The following IGF2BP2 variants were observed in gnomAD, a reference collection of about 807,000 sequenced individuals.
The protein encoded by IGF2BP2 is insulin like growth factor 2 mRNA binding protein 2.
In IGF2BP2, 17 loss-of-function variants were observed where a neutral mutation model predicts 75.8. The ratio of observed to expected loss-of-function variants is 0.22; its 90% CI spans 0.15 to 0.34. The LOEUF is 0.34. IGF2BP2 is among the 10% of genes least tolerant of loss of function. IGF2BP2 has a pLI of 1.00. For synonymous variants in IGF2BP2, 288 were observed against 295.6 expected, an observed-to-expected ratio of 0.97 and a Z score of 0.26; for missense variants, 516 against 772.4, an observed-to-expected ratio of 0.67 and a Z score of 3.93.
At chr3:185,658,478 G>C in intron 10 of IGF2BP2, 69 bp from the exon 11 acceptor site, 2 of 1,331,702 alleles carry the variant, frequency 1.5e-6, no homozygotes, top group Non-Finnish European at 1.1e-6. Context: ...AGGGAGGCCA[G>C]ATTCCCAACA....
chr3:185,667,654 A>C (rs1315658748), intron 10 of IGF2BP2, among the ~76,000 whole-genome samples: 4 of 152,222 alleles, frequency 2.6e-5, no homozygotes, highest in Non-Finnish European at 4.4e-5. Flanking sequence ...AAATCTGTGA[A>C]TATTTAAAAT....
chr3:185,685,926 G>A (rs1721063696), intron 7 of IGF2BP2, among the ~76,000 whole-genome samples: 1 of 152,222 alleles, frequency 6.6e-6, no homozygotes, highest in African/African-American at 2.4e-5. Flanking sequence ...TTATAGGTAT[G>A]AGCCACTGCA....
chr3:185,824,980 C>T lies in IGF2BP2; in HGVS notation c.-20G>A. On this transcript the variant is annotated 5_prime_UTR_variant, in exon 1 of 16. Transcript: ENST00000382199. ...CATCATCCGTCTCTTCCCCGAGAGC[C>T]CGCGGCTCCCCCGGCCCGGTACCCG... 6.8e-7 allele frequency: 1 copy of T among 1,478,848 alleles called. No homozygotes were observed. Among genetic ancestry groups the T allele is most frequent in the African/African-American group, 1.4e-5 (1 of 70,196 alleles). 91.6% of individuals were successfully genotyped at this position (1,478,848 alleles called of 1,614,324 possible).
At chr3:185,660,364 A>T (rs1423490780) in intron 10 of IGF2BP2, among the ~76,000 whole-genome samples, 1 of 152,122 alleles carries the variant, frequency 6.6e-6, no homozygotes, top group Admixed American at 6.5e-5. Context: ...GTGACAGGCA[A>T]TGCCCTCCAT....
chr3:185,646,881 A>G (rs1183109751), intron 15 of IGF2BP2, 144 bp downstream of exon 15: 5 of 648,550 alleles, frequency 7.7e-6, no homozygotes, highest in African/African-American at 3.6e-5. Flanking sequence ...GGCCATCCCT[A>G]AAGAGCCAGG....
chr3:185,729,303 AACAG>A (rs1168467715), intron 2 of IGF2BP2, among the ~76,000 whole-genome samples: 1 of 152,202 alleles, frequency 6.6e-6, no homozygotes, highest in Non-Finnish European at 1.5e-5. Flanking sequence ...TACTTGACAG[AACAG>A]ACAGACAGTG....
Position 185,700,508 on chromosome 3 carries a change from A to G in IGF2BP2, c.240-2161T>C, listed in dbSNP as rs188305729. Among the ~76,000 whole-genome samples the G allele has an allele frequency of 1.8e-3, 279 of 152,344 alleles. 20 individuals carry two copies. In the South Asian group the frequency reaches 0.056, roughly 31 times the overall value. ...CTAATTCCCGACATGGCCTTTGGCA[A>G]TAGTTCAGAATAAAACTGCCAGCAC... On this transcript the variant is annotated intron_variant, in intron 2 of 15. Coordinates refer to ENST00000382199, the MANE Select transcript of IGF2BP2 (RefSeq NM_006548.6).
intron 2 of IGF2BP2, among the ~76,000 whole-genome samples, chr3:185,772,277 A>G (rs1024153907): frequency 6.6e-6 from 1 of 152,194 alleles, no homozygotes; most frequent in Non-Finnish European, 1.5e-5. Context: ...GCCTTCCTTA[A>G]AGAGTTTTCC....
At chr3:185,736,238 G>A (rs1239825796) in intron 2 of IGF2BP2, among the ~76,000 whole-genome samples, 2 of 152,064 alleles carry the variant, frequency 1.3e-5, no homozygotes, top group East Asian at 3.9e-4. Context: ...GAGGTGGGGG[G>A]GCCACTCTTT....
intron 2 of IGF2BP2, among the ~76,000 whole-genome samples, chr3:185,720,538 G>T (rs900509446): frequency 6.6e-5 from 10 of 152,132 alleles, no homozygotes; most frequent in Admixed American, 4.6e-4. Context: ...ATTGGCTCTG[G>T]TGAGCCAGGG....
intron 2 of IGF2BP2, among the ~76,000 whole-genome samples, chr3:185,807,803 C>T (rs1739219471): frequency 6.6e-6 from 1 of 152,198 alleles, no homozygotes; most frequent in Admixed American, 6.5e-5. Context: ...ACTAAGGCCT[C>T]CAGCCAACAA....
At chr3:185,686,807 A>T (rs999324097) in intron 7 of IGF2BP2, among the ~76,000 whole-genome samples, 2 of 152,100 alleles carry the variant, frequency 1.3e-5, no homozygotes, top group Non-Finnish European at 2.9e-5. Flanking sequence ...CCCAATAATT[A>T]CTATCAATGG....
chr3:185,795,202 T>G (rs901578757), intron 2 of IGF2BP2, among the ~76,000 whole-genome samples: 1 of 152,178 alleles, frequency 6.6e-6, no homozygotes, highest in Non-Finnish European at 1.5e-5. Flanking sequence ...CAGCCTCCAG[T>G]TATCTTCTAT....
At chr3:185,737,709 TACTTA>T (rs1729038356) in intron 2 of IGF2BP2, among the ~76,000 whole-genome samples, 1 of 152,208 alleles carries the variant, frequency 6.6e-6, no homozygotes, top group Admixed American at 6.5e-5. Flanking sequence ...TACAAGTATT[TACTTA>T]ACTTCTACTC....
chr3:185,684,777 T>C (rs1205546462), intron 7 of IGF2BP2, among the ~76,000 whole-genome samples: 1 of 151,602 alleles, frequency 6.6e-6, no homozygotes, highest in Non-Finnish European at 1.5e-5. Context: ...GTTTAATGAG[T>C]GTCTCTCCCA....
At chr3:185,695,254 T>TATTA (rs1722433074) in intron 4 of IGF2BP2, among the ~76,000 whole-genome samples, 1 of 152,222 alleles carries the variant, frequency 6.6e-6, no homozygotes, top group Non-Finnish European at 1.5e-5. Flanking sequence ...GCTTTAAAAC[T>TATTA]ATTAATTAAA....
chr3:185,816,568 T>C (rs908812296), intron 2 of IGF2BP2, among the ~76,000 whole-genome samples: 4 of 152,196 alleles, frequency 2.6e-5, no homozygotes, highest in Non-Finnish European at 5.9e-5. Flanking sequence ...GGAAGTACAG[T>C]GGAGCGAGAC....
intron 2 of IGF2BP2, chr3:185,713,621 A>C (rs1347526689): frequency 7.4e-6 from 3 of 407,774 alleles, no homozygotes; most frequent in African/African-American, 4.1e-5. Context: ...TGTGGATCTC[A>C]GCAAATCTGA....
intron 2 of IGF2BP2, among the ~76,000 whole-genome samples, chr3:185,775,636 C>T (rs1033876680): frequency 1.3e-5 from 2 of 152,114 alleles, no homozygotes; most frequent in African/African-American, 4.8e-5. Context: ...AATGGCAAAA[C>T]ATAAGACTAA....
Sources: allele counts gnomAD v4.1 joint callset (sites outside exome capture counted in the v4.1 genomes callset), GRCh38; gene constraint gnomAD v4.1.1; transcripts MANE v1.5; gene names NCBI Gene and HGNC (gene_info 2026-07-23, HGNC 2026-07-21).